Variants in VPS13B observed in about 807,000 individuals in gnomAD.
VPS13B encodes the protein vacuolar protein sorting 13 homolog B, also known as intermembrane lipid transfer protein VPS13B.
A neutral mutation model predicts 426.4 loss-of-function variants in VPS13B; 285 were observed. That is an observed-to-expected ratio of 0.67 (90% CI 0.61 to 0.74). The LOEUF is 0.74. Among genes scored for constraint, VPS13B ranks in the 30% least tolerant of loss-of-function variants. The pLI is 0.00. For synonymous variants in VPS13B, 1,676 were observed against 1,676.4 expected, an observed-to-expected ratio of 1.00 and a Z score of 0.01; for missense variants, 4,537 against 4,782.6, an observed-to-expected ratio of 0.95 and a Z score of 1.51.
intron 57 of VPS13B, among the ~76,000 whole-genome samples, chr8:99,859,737 T>A (rs1816735844): frequency 6.6e-6 from 1 of 152,188 alleles, no homozygotes; most frequent in Non-Finnish European, 1.5e-5. Flanking sequence ...AAAACAAGGA[T>A]TGGCTCAAAT....
At chr8:99,245,772 G>C (rs2132901502) in intron 17 of VPS13B, among the ~76,000 whole-genome samples, 1 of 152,254 alleles carries the variant, frequency 6.6e-6, no homozygotes, top group Admixed American at 6.5e-5. Flanking sequence ...TCAAACTCCT[G>C]GCCTCATGTG....
chr8:99,844,617 G>A (rs900591239), intron 54 of VPS13B, among the ~76,000 whole-genome samples: 9 of 152,052 alleles, frequency 5.9e-5, no homozygotes, highest in African/African-American at 1.7e-4. Flanking sequence ...CAATCCGCCC[G>A]CCTCAGCCTC....
At chr8:99,515,079 A>G (rs963643050) in intron 29 of VPS13B, among the ~76,000 whole-genome samples, 6 of 152,184 alleles carry the variant, frequency 3.9e-5, no homozygotes, top group Non-Finnish European at 8.8e-5. Context: ...ATACTTACCA[A>G]TGGTTTATTG....
chr8:99,339,462 G>A (rs919965855), intron 19 of VPS13B, among the ~76,000 whole-genome samples: 12 of 152,056 alleles, frequency 7.9e-5, no homozygotes, highest in African/African-American at 2.4e-4. Context: ...TCATTATCAT[G>A]AGGACAGTAC....
chr8:99,233,863 G>T, intron 17 of VPS13B: 2 of 780,008 alleles, frequency 2.6e-6, no homozygotes, highest in Non-Finnish European at 4.8e-6. Context: ...CTTTCTGCAT[G>T]CTTTCAAGAA....
rs549420119 is a variant in VPS13B, at chr8:99,068,676, C to T, written c.292-27636C>T. Among the ~76,000 whole-genome samples the T allele has an allele frequency of 4.6e-5, 7 of 152,058 alleles. No homozygotes were observed. The East Asian group carries it at 1.4e-3, about 29-fold the overall frequency. On this transcript the variant is annotated intron_variant, in intron 3 of 61. Transcript: ENST00000357162. ...GAAAACTTACAATTATGGCAGAAGG[C>T]GAAGGGAAAGCAGGGCACATCTTAG...
At chr8:99,667,210 A>G (rs997628610) in intron 35 of VPS13B, among the ~76,000 whole-genome samples, 5 of 152,194 alleles carry the variant, frequency 3.3e-5, no homozygotes, top group African/African-American at 9.6e-5. Flanking sequence ...AAAAGCTCCC[A>G]GATGAAGTAG....
intron 39 of VPS13B, among the ~76,000 whole-genome samples, chr8:99,738,505 A>G (rs990147816): frequency 6.6e-6 from 1 of 152,258 alleles, no homozygotes; most frequent in African/African-American, 2.4e-5. Context: ...CACATTAAGA[A>G]AATTCAGAGC....
chr8:99,304,218 ATAG>A (rs760907139), intron 19 of VPS13B, among the ~76,000 whole-genome samples: 5 of 152,194 alleles, frequency 3.3e-5, no homozygotes, highest in Non-Finnish European at 7.4e-5. Context: ...GCACATCAAA[ATAG>A]TAGTTATTAT....
intron 36 of VPS13B, among the ~76,000 whole-genome samples, chr8:99,713,450 G>A (rs1235786742): frequency 6.6e-6 from 1 of 152,184 alleles, no homozygotes; most frequent in Non-Finnish European, 1.5e-5. Context: ...GAGGTGCTTA[G>A]CAAGTTTCTG....
chr8:99,513,897 A>C (rs527588445), intron 29 of VPS13B, among the ~76,000 whole-genome samples: 2 of 152,330 alleles, frequency 1.3e-5, no homozygotes, highest in African/African-American at 4.8e-5. Flanking sequence ...TGAGTCAGAC[A>C]TAGCGGCTCC....
chr8:99,488,623 A>G (rs1284330468), intron 25 of VPS13B, among the ~76,000 whole-genome samples: 1 of 152,172 alleles, frequency 6.6e-6, no homozygotes, highest in Non-Finnish European at 1.5e-5. Flanking sequence ...TTAGACCAGC[A>G]TTTTTATTTT....
At chr8:99,179,184 A>G (rs1310850384) in intron 16 of VPS13B, among the ~76,000 whole-genome samples, 1 of 152,094 alleles carries the variant, frequency 6.6e-6, no homozygotes, top group Non-Finnish European at 1.5e-5. Flanking sequence ...TGTGAATACC[A>G]CTTGGTCTTT....
intron 35 of VPS13B, among the ~76,000 whole-genome samples, chr8:99,687,437 A>T (rs1162190073): frequency 3.9e-5 from 6 of 151,934 alleles, no homozygotes; most frequent in Non-Finnish European, 8.8e-5. Context: ...TGTGGCCTAG[A>T]CTGCCTTTCA....
Position 99,661,456 on chromosome 8 carries a change from T to C in VPS13B, c.6011T>C (p.Ile2004Thr). The C allele has an allele frequency of 6.2e-7, 1 of 1,613,554 alleles. No homozygotes were observed. Among genetic ancestry groups the C allele is most frequent in the Non-Finnish European group, 8.5e-7 (1 of 1,179,794 alleles). Residue 2004 changes from isoleucine to threonine, a missense_variant, in exon 35 of 62, where the codon ATA becomes ACA. Around this residue, in one of 2 missense-constraint regions of VPS13B, gnomAD observed 4,311 missense variants for 4,474.3 expected, o/e 0.96. Transcript: ENST00000357162. ...AAAAGTGGTATTCCACCTTCCTTTA[T>C]AACACTACAGATTAAAGACTTTCTG... ...DSKSGIPPSFITLQIKDFLNG... is the reference protein window; with the variant it reads ...DSKSGIPPSFTTLQIKDFLNG...
intron 2 of VPS13B, among the ~76,000 whole-genome samples, chr8:99,034,340 T>G (rs1842644224): frequency 6.6e-6 from 1 of 152,186 alleles, no homozygotes; most frequent in Non-Finnish European, 1.5e-5. Flanking sequence ...TTGAGCTAGT[T>G]AGGTATTTAC....
At chr8:99,340,392 T>C (rs942858781) in intron 19 of VPS13B, 1 of 457,456 alleles carries the variant, frequency 2.2e-6, no homozygotes, top group African/African-American at 2.0e-5. Flanking sequence ...CATCATGGTA[T>C]ATATTCTGCT....
At chr8:99,861,675 C>A (rs1355376128) in intron 57 of VPS13B, 101 bp from the exon 58 acceptor site, 1 of 1,469,064 alleles carries the variant, frequency 6.8e-7, no homozygotes, top group African/African-American at 1.4e-5. Context: ...CTGGGCATGT[C>A]CAGGAGGGGC....
At chr8:99,811,492 G>A (rs989257003) in intron 44 of VPS13B, among the ~76,000 whole-genome samples, 2 of 152,082 alleles carry the variant, frequency 1.3e-5, no homozygotes, top group Admixed American at 6.5e-5. Flanking sequence ...TTTCAGATTG[G>A]GTGTGGTCTG....
Sources: gnomAD v4.1 joint callset for allele counts (sites outside exome capture counted in the v4.1 genomes callset) on GRCh38, gnomAD v4.1.1 for gene constraint, gnomAD v4.1.1 regional missense constraint, MANE v1.5 for transcripts, NCBI Gene and HGNC (gene_info 2026-07-23, HGNC 2026-07-21) for gene names.